Variants in DYM observed in about 807,000 individuals in gnomAD.
The protein encoded by DYM is dymeclin.
A neutral mutation model predicts 93.1 loss-of-function variants in DYM; 78 were observed. The observed-to-expected ratio is 0.84, with a 90% CI of 0.70 to 1.01. The LOEUF is 1.01. DYM is among the 50% of genes least tolerant of loss of function. The pLI is 0.00. For missense variants in DYM, 789 were observed against 845.0 expected (o/e 0.93, Z 0.82); for synonymous variants, 321 against 319.7 (o/e 1.00, Z -0.04).
At position 49,363,143 on chromosome 18, in the gene DYM, G is replaced by T. The variant is rs1444053469; in HGVS notation, c.494+18C>A. 5.0e-6 allele frequency: 8 copies of T among 1,603,422 alleles called. No homozygotes were observed. Among genetic ancestry groups the T allele is most frequent in the Non-Finnish European group, 4.3e-6 (5 of 1,170,432 alleles). The stretch of plus-strand genomic sequence containing the variant: ...ATACAAAGAAGATAAAACAAATCCT[G>T]GCCTAGCCAGAACTTACAAGAGTGG... On this transcript the variant is annotated intron_variant, in intron 6 of 17. Coordinates refer to ENST00000675505, the MANE Select transcript of DYM (RefSeq NM_001353214.3).
intron 13 of DYM, 31 bp from the exon 14 acceptor site, chr18:49,209,746 G>A: frequency 1.7e-6 from 2 of 1,190,426 alleles, no homozygotes; most frequent in Non-Finnish European, 2.1e-6. Flanking sequence ...GAGAGAAACA[G>A]AAAGAGAGGA....
intron 2 of DYM, among the ~76,000 whole-genome samples, chr18:49,422,320 T>C (rs1160994188): frequency 1.3e-5 from 2 of 152,170 alleles, no homozygotes; most frequent in Non-Finnish European, 2.9e-5. Flanking sequence ...GCAGAAACTC[T>C]ACAAGCCAGA....
chr18:49,229,012 C>G (rs916656987), intron 13 of DYM, among the ~76,000 whole-genome samples: 3 of 152,040 alleles, frequency 2.0e-5, no homozygotes, highest in Non-Finnish European at 4.4e-5. Flanking sequence ...AATGGTTACT[C>G]ATCAGTTTAT....
intron 9 of DYM, among the ~76,000 whole-genome samples, chr18:49,286,184 C>A (rs111421306): frequency 1.7e-4 from 26 of 152,022 alleles, no homozygotes; most frequent in African/African-American, 5.3e-4. Flanking sequence ...ACAGACTGAC[C>A]CAAATTAAAC....
At position 49,459,542 on chromosome 18, in the gene DYM, A is replaced by AC. The variant is rs554984438; in HGVS notation, c.-54+855dup. ...CGCTACATTCCTCTCCACGGCCTCCACCCTCCAGGTTTTCATCCTTCAGCA... is the reference window on the plus strand; with the variant it reads ...CGCTACATTCCTCTCCACGGCCTCCACCCCTCCAGGTTTTCATCCTTCAGCA... On this transcript the variant is annotated intron_variant, in intron 1 of 17. Coordinates refer to ENST00000675505, the MANE Select transcript of DYM (RefSeq NM_001353214.3). Among the ~76,000 whole-genome samples the AC allele has an allele frequency of 7.9e-5, 12 of 151,614 alleles. No homozygotes were observed. The South Asian group carries it at 2.5e-3, about 32-fold the overall frequency.
In DYM at chr18:49,125,622, G is replaced by A. The variant is rs377208531; in HGVS notation, c.1729-6696C>T. On this transcript the variant is annotated intron_variant, in intron 15 of 17. Coordinates refer to ENST00000675505, the MANE Select transcript of DYM (RefSeq NM_001353214.3). ...AATTCTTTAATTTACTACTAATTCA[G>A]TTACTATCTATCCAATTAGAAAGCT... 3.3e-5 allele frequency among the ~76,000 whole-genome samples: 5 copies of A among 152,270 alleles called. No individual in the cohort carries two copies. The East Asian group carries it at 5.8e-4, about 18-fold the overall frequency.
chr18:49,452,176 T>C lies in DYM; in HGVS notation c.-54+8222A>G, dbSNP rs189976609. Among the ~76,000 whole-genome samples, 77 of 152,322 alleles carry C rather than the reference T, an allele frequency of 5.1e-4. 1 individual carries two copies. Among genetic ancestry groups the C allele is most frequent in the African/African-American group, 1.8e-3 (74 of 41,566 alleles). On this transcript the variant is annotated intron_variant, in intron 1 of 17. Coordinates refer to ENST00000675505, the MANE Select transcript of DYM (RefSeq NM_001353214.3). ...GTTTGTTCCTTCTGATGTTCGGATG[T>C]GTTCGGAGTTTCTTCCTTCTGGTGG...
At chr18:49,075,930 C>G (rs1229874010) in intron 17 of DYM, among the ~76,000 whole-genome samples, 3 of 152,210 alleles carry the variant, frequency 2.0e-5, no homozygotes, top group Admixed American at 6.5e-5. Flanking sequence ...ACCCCATACA[C>G]TTAAAAGCTT....
chr18:49,281,681 T>C (rs1235277361), intron 10 of DYM, among the ~76,000 whole-genome samples: 1 of 152,102 alleles, frequency 6.6e-6, no homozygotes, highest in African/African-American at 2.4e-5. Flanking sequence ...GAAACCATCA[T>C]TCTCAGCGAA....
At chr18:49,063,773 C>G (rs968820633) in intron 17 of DYM, among the ~76,000 whole-genome samples, 1 of 151,822 alleles carries the variant, frequency 6.6e-6, no homozygotes, top group Non-Finnish European at 1.5e-5. Context: ...ATTACAGGCA[C>G]CTGCCACTAT....
At position 49,272,128 on chromosome 18, in the gene DYM, A is replaced by G. The variant is rs544177845; in HGVS notation, c.1251+50T>C. The G allele has an allele frequency of 3.2e-6, 5 of 1,558,734 alleles. No homozygotes were observed. The African/African-American group carries it at 5.4e-5, about 17-fold the overall frequency. On this transcript the variant is annotated intron_variant, in intron 11 of 17. Transcript: ENST00000675505. ...AAAGACTAGTAAATCTTACGTAGGG[A>G]CATGTCTGTTCTGTTAACTCTAACT...
At chr18:49,169,218 T>A (rs1459420563) in intron 14 of DYM, among the ~76,000 whole-genome samples, 1 of 152,152 alleles carries the variant, frequency 6.6e-6, no homozygotes, top group East Asian at 1.9e-4. Context: ...GAACATGGAA[T>A]GTTAGGGGAA....
rs549395425 is a variant in DYM, at chr18:49,163,718, C to A, written c.1695G>T (p.Ser565=). 3.7e-6 allele frequency: 6 copies of A among 1,612,152 alleles called. No individual in the cohort carries two copies. The highest frequency in any genetic ancestry group is 3.3e-5 in the South Asian group (3 of 90,904). ...GTAGAGGAACATCATTAGAACTCAG[C>A]GAACCTCTCAAGGACTGTGTGGCTT... ...LEQATQSLRG[S]LSSNDVPLPD... The change falls in exon 15 of 18, where the codon TCG becomes TCT. Residue 565 remains serine (S), a synonymous_variant. Coordinates refer to ENST00000675505, the MANE Select transcript of DYM (RefSeq NM_001353214.3).
chr18:49,285,102 G>A (rs1439552831), intron 9 of DYM, among the ~76,000 whole-genome samples: 3 of 152,114 alleles, frequency 2.0e-5, no homozygotes, highest in East Asian at 1.9e-4. Context: ...CAAACCTGCC[G>A]GTGCCTGCAT....
intron 5 of DYM, among the ~76,000 whole-genome samples, chr18:49,369,896 C>T (rs1214980880): frequency 6.6e-6 from 1 of 152,216 alleles, no homozygotes; most frequent in Non-Finnish European, 1.5e-5. Flanking sequence ...ACCTTGCTCG[C>T]CCCAGGTCTG....
intron 8 of DYM, among the ~76,000 whole-genome samples, chr18:49,318,464 T>A (rs1044400476): frequency 4.0e-5 from 6 of 151,660 alleles, no homozygotes; most frequent in East Asian, 2.0e-4. Flanking sequence ...CTAAAAAAAA[T>A]TACAAAAATT....
At chr18:49,207,917 T>C (rs950440193) in intron 14 of DYM, among the ~76,000 whole-genome samples, 4 of 152,120 alleles carry the variant, frequency 2.6e-5, no homozygotes, top group Non-Finnish European at 5.9e-5. Flanking sequence ...GTGTAGTGGC[T>C]CACACCTGTA....
At chr18:49,132,043 G>C (rs1186899254) in intron 15 of DYM, among the ~76,000 whole-genome samples, 1 of 152,146 alleles carries the variant, frequency 6.6e-6, no homozygotes, top group Non-Finnish European at 1.5e-5. Context: ...AGCCATTTTT[G>C]AGACTTCCGG....
chr18:49,415,729 A>C (rs1229738824), intron 2 of DYM, among the ~76,000 whole-genome samples: 1 of 151,874 alleles, frequency 6.6e-6, no homozygotes, highest in Non-Finnish European at 1.5e-5. Context: ...GGAGTTCGAG[A>C]CCAGCCTGAC....
Sources: gnomAD v4.1 joint callset for allele counts (sites outside exome capture counted in the v4.1 genomes callset) on GRCh38, gnomAD v4.1.1 for gene constraint, MANE v1.5 for transcripts, NCBI Gene and HGNC (gene_info 2026-07-23, HGNC 2026-07-21) for gene names.